TNFSF4: variants seen among roughly 807,000 people sequenced by gnomAD.
The protein encoded by TNFSF4 is tumor necrosis factor ligand superfamily member 4.
In TNFSF4, 4 loss-of-function variants were observed where a neutral mutation model predicts 7.3. That is an observed-to-expected ratio of 0.55 (90% CI 0.27 to 1.25). The LOEUF is 1.25. Ranked by LOEUF, TNFSF4 falls within the 50% of genes most tolerant of loss-of-function variation. The probability of loss-of-function intolerance (pLI) is 0.12; values close to 1 mark genes in which losing one functional copy is unlikely to be tolerated. For missense variants in TNFSF4, 181 were observed against 208.8 expected, an observed-to-expected ratio of 0.87 and a Z score of 0.82; for synonymous variants, 76 against 83.7, an observed-to-expected ratio of 0.91 and a Z score of 0.50.
the TNFSF4 span, among the ~76,000 whole-genome samples, chr1:173,280,096 T>C: frequency 2.0e-5 from 3 of 152,094 alleles, no homozygotes; most frequent in African/African-American, 7.2e-5. Context: ...TTCCTTTCTC[T>C]GCATACCAAA....
At chr1:173,224,962 C>T in the TNFSF4 span, among the ~76,000 whole-genome samples, 1 of 152,158 alleles carries the variant, frequency 6.6e-6, no homozygotes, top group South Asian at 2.1e-4. Context: ...AATCATCTCC[C>T]CTTCCTCTCT....
At chr1:173,439,221 C>T in the TNFSF4 span, among the ~76,000 whole-genome samples, 2 of 152,212 alleles carry the variant, frequency 1.3e-5, no homozygotes, top group South Asian at 2.1e-4. Context: ...TCCTAATCAA[C>T]CACACAATGT....
chr1:173,401,251 T>C, the TNFSF4 span, among the ~76,000 whole-genome samples: 1 of 152,214 alleles, frequency 6.6e-6, no homozygotes, highest in Admixed American at 6.5e-5. Flanking sequence ...TGTGGAATTA[T>C]GAACTTGTTA....
At chr1:173,273,068 A>G in the TNFSF4 span, among the ~76,000 whole-genome samples, 4 of 152,162 alleles carry the variant, frequency 2.6e-5, no homozygotes, top group East Asian at 1.9e-4. Context: ...GTCTTCCTCA[A>G]TTAGGGCACA....
chr1:173,396,310 G>A, the TNFSF4 span, among the ~76,000 whole-genome samples: 2 of 152,168 alleles, frequency 1.3e-5, no homozygotes, highest in Admixed American at 6.5e-5. Flanking sequence ...AGGAATGCGA[G>A]ACCAGGCTGG....
At chr1:173,416,782 A>G in the TNFSF4 span, among the ~76,000 whole-genome samples, 1 of 151,858 alleles carries the variant, frequency 6.6e-6, no homozygotes, top group Non-Finnish European at 1.5e-5. Context: ...TTTTTAGTAG[A>G]GACAGGGTTT....
downstream of TNFSF4, among the ~76,000 whole-genome samples, chr1:173,179,532 A>C (rs10127495): frequency 0.43 from 65,163 of 152,016 alleles, 17,045 homozygotes; most frequent in African/African-American, 0.74. Flanking sequence ...CATACCTAAC[A>C]TCCAAATAAA....
chr1:173,272,668 G>T, the TNFSF4 span, among the ~76,000 whole-genome samples: 11 of 152,108 alleles, frequency 7.2e-5, no homozygotes, highest in Non-Finnish European at 2.9e-5. Flanking sequence ...AGATGTTATT[G>T]TTCTTTGGCC....
intron 1 of TNFSF4, among the ~76,000 whole-genome samples, chr1:173,205,975 C>A (rs1287862919): frequency 6.6e-6 from 1 of 152,218 alleles, no homozygotes; most frequent in Non-Finnish European, 1.5e-5. Flanking sequence ...TACCAGCCTC[C>A]ATGCACTGAA....
the TNFSF4 span, among the ~76,000 whole-genome samples, chr1:173,420,213 C>T: frequency 4.3e-3 from 628 of 146,814 alleles, 7 homozygotes; most frequent in African/African-American, 0.014. Context: ...AACAAACAAA[C>T]AAAAAAAAAA....
chr1:173,350,741 C>T, the TNFSF4 span, among the ~76,000 whole-genome samples: 1 of 152,212 alleles, frequency 6.6e-6, no homozygotes, highest in Non-Finnish European at 1.5e-5. Flanking sequence ...GCTGACACAA[C>T]AGGCCAAAAG....
the TNFSF4 span, chr1:173,174,227 C>A: frequency 6.6e-6 from 1 of 152,176 alleles, no homozygotes; most frequent in Non-Finnish European, 1.5e-5. Context: ...TCAGTCGGGA[C>A]TTTATTTTCC....
chr1:173,178,333 T>C, the TNFSF4 span, among the ~76,000 whole-genome samples: 2 of 152,182 alleles, frequency 1.3e-5, no homozygotes, highest in African/African-American at 4.8e-5. Flanking sequence ...CCCAGCACTT[T>C]GGGAGGCCGA....
the TNFSF4 span, among the ~76,000 whole-genome samples, chr1:173,430,593 AACAG>A: frequency 5.9e-5 from 9 of 152,168 alleles, no homozygotes; most frequent in African/African-American, 2.2e-4. Flanking sequence ...CACATTCTCT[AACAG>A]ATTCTTTGAA....
chr1:173,319,830 C>T, the TNFSF4 span, among the ~76,000 whole-genome samples: 1 of 152,130 alleles, frequency 6.6e-6, no homozygotes, highest in African/African-American at 2.4e-5. Flanking sequence ...AAGACCCCCC[C>T]ACAAAAACCC....
the TNFSF4 span, among the ~76,000 whole-genome samples, chr1:173,330,269 AT>A: frequency 2.2e-3 from 316 of 146,784 alleles, no homozygotes; most frequent in African/African-American, 5.8e-3. Context: ...AATTTTTATT[AT>A]TTTTTATATC....
the TNFSF4 span, chr1:173,352,023 T>C: frequency 7.8e-6 from 3 of 384,736 alleles, no homozygotes; most frequent in African/African-American, 2.1e-5. Flanking sequence ...TAATCTTATA[T>C]ACAAGTTTTG....
chr1:173,308,670 C>T, the TNFSF4 span, among the ~76,000 whole-genome samples: 1 of 151,864 alleles, frequency 6.6e-6, no homozygotes, highest in South Asian at 2.1e-4. Context: ...TGGTGAGTTA[C>T]TCAGACAAGA....
chr1:173,207,116 T>C lies in TNFSF4; in HGVS notation c.61A>G (p.Arg21Gly), dbSNP rs1272473709. The part of the protein sequence containing the change: ...VGNAARPRFE[R>G]NKLLLVASVI... ...GAGGCCACCAGCAATAGCTTGTTCC[T>C]CTCGAATCTTGGCCTGGCTGCATTT... is the stretch of plus-strand genomic sequence containing the variant. Residue 21 changes from arginine to glycine, a missense_variant, in exon 1 of 3, where the codon AGG (arginine) becomes GGG (glycine). Coordinates refer to ENST00000281834, the MANE Select transcript of TNFSF4 (RefSeq NM_003326.5). 6.2e-6 allele frequency: 10 copies of C among 1,613,830 alleles called. No homozygotes were observed. The highest frequency in any genetic ancestry group is 6.8e-6 in the Non-Finnish European group (8 of 1,179,882).
Sources: allele counts gnomAD v4.1 joint callset (sites outside exome capture counted in the v4.1 genomes callset), GRCh38; gene constraint gnomAD v4.1.1; transcripts MANE v1.5; gene names NCBI Gene and HGNC (gene_info 2026-07-23, HGNC 2026-07-21).